Variants in LRGUK observed in about 807,000 individuals in gnomAD.
The protein encoded by LRGUK is leucine rich repeats and guanylate kinase domain containing.
LRGUK carries 65 observed loss-of-function variants against 76.0 expected under a neutral mutation model. The ratio of observed to expected loss-of-function variants is 0.85; its 90% CI spans 0.70 to 1.05. The LOEUF is 1.05. Ranked by LOEUF, LRGUK falls within the 50% of genes least tolerant of loss-of-function variation. The pLI is 0.00. For missense variants in LRGUK, 758 were observed against 732.8 expected (o/e 1.03, Z -0.40); for synonymous variants, 268 against 265.6 (o/e 1.01, Z -0.09).
intron 5 of LRGUK, among the ~76,000 whole-genome samples, chr7:134,149,108 T>A (rs997928): frequency 0.62 from 92,037 of 148,820 alleles, 28,899 homozygotes; most frequent in African/African-American, 0.69. Flanking sequence ...TTTCTTTTTT[T>A]AAAAAAAAAA....
chr7:134,242,890 TG>T (rs1192124947), intron 16 of LRGUK, among the ~76,000 whole-genome samples: 4 of 152,222 alleles, frequency 2.6e-5, no homozygotes, highest in Non-Finnish European at 5.9e-5. Context: ...GATGAAAGGC[TG>T]GTTCAACATA....
chr7:134,154,224 G>A (rs1033400418), intron 5 of LRGUK, among the ~76,000 whole-genome samples: 5 of 152,160 alleles, frequency 3.3e-5, no homozygotes, highest in South Asian at 4.1e-4. Flanking sequence ...TAAAATATAC[G>A]TAAGAGGATT....
At chr7:134,194,352 T>C (rs1234806749) in intron 12 of LRGUK, among the ~76,000 whole-genome samples, 1 of 152,174 alleles carries the variant, frequency 6.6e-6, no homozygotes, top group Non-Finnish European at 1.5e-5. Flanking sequence ...TTACAGTATA[T>C]ATCTGAAAAG....
Position 134,148,328 on chromosome 7 carries a change from T to C in LRGUK, c.670+9T>C, listed in dbSNP as rs964965776. ...TAAACTAATTTTGGATGGTATCCTT[T>C]GAATAAGTAAAGGGGAAAATTTTAA... is the stretch of plus-strand genomic sequence containing the variant. On this transcript the variant is annotated intron_variant, in intron 5 of 15. Coordinates refer to ENST00000645682, the Ensembl canonical transcript of LRGUK. 2.6e-6 allele frequency: 4 copies of C among 1,509,560 alleles called. No individual in the cohort carries two copies. The highest frequency in any genetic ancestry group is 3.9e-5 in the Admixed American group (2 of 50,950). The allele number at this position is 1,509,560 out of a possible 1,614,324, so 93.5% of individuals were successfully genotyped here.
chr7:134,249,010 T>C, exon 18 of LRGUK: 1 of 1,604,366 alleles, frequency 6.2e-7, no homozygotes, highest in South Asian at 1.1e-5. Flanking sequence ...TTAGAAGAAC[T>C]CTGGAAAAGT....
chr7:134,229,097 C>T (rs1198949700), intron 16 of LRGUK, among the ~76,000 whole-genome samples: 2 of 151,948 alleles, frequency 1.3e-5, no homozygotes, highest in Non-Finnish European at 2.9e-5. Flanking sequence ...ATTTTCAGGC[C>T]AAGTGTGGTG....
At chr7:134,190,689 A>G (rs1015099487) in intron 11 of LRGUK, among the ~76,000 whole-genome samples, 1 of 152,208 alleles carries the variant, frequency 6.6e-6, no homozygotes, top group African/African-American at 2.4e-5. Context: ...GTCATCTATA[A>G]AATGGAGTTC....
At chr7:134,248,558 A>G (rs1802367982) in intron 17 of LRGUK, among the ~76,000 whole-genome samples, 1 of 152,198 alleles carries the variant, frequency 6.6e-6, no homozygotes, top group Non-Finnish European at 1.5e-5. Context: ...TTTTAGAAAT[A>G]TTTTACTTGG....
chr7:134,217,411 A>G (rs1445971911), intron 15 of LRGUK, among the ~76,000 whole-genome samples: 1 of 152,190 alleles, frequency 6.6e-6, no homozygotes, highest in Non-Finnish European at 1.5e-5. Flanking sequence ...ACTCAAGAAT[A>G]TAGCACTTCA....
At position 134,163,543 on chromosome 7, in the gene LRGUK, A is replaced by T; in HGVS notation, c.939+3A>T. 6.2e-7 allele frequency: 1 copy of T among 1,605,752 alleles called. No homozygotes were observed. Among genetic ancestry groups the T allele is most frequent in the South Asian group, 1.1e-5 (1 of 89,844 alleles). On this transcript the variant is annotated splice_donor_region_variant and intron_variant, in intron 7 of 15. Coordinates refer to ENST00000645682, the Ensembl canonical transcript of LRGUK. ...TGATCAACCTGGAGGATAATAAGGT[A>T]GTGTTGCACTTCACATGTCTTGGTT... is the stretch of plus-strand genomic sequence containing the variant.
chr7:134,268,360 G>C (rs543128708), downstream of LRGUK, among the ~76,000 whole-genome samples: 1 of 152,016 alleles, frequency 6.6e-6, no homozygotes, highest in African/African-American at 2.4e-5. Flanking sequence ...TATGTAATTT[G>C]GCAATTTAGA....
At chr7:134,256,894 A>G (rs1377595505) in intron 18 of LRGUK, among the ~76,000 whole-genome samples, 2 of 152,162 alleles carry the variant, frequency 1.3e-5, no homozygotes, top group Non-Finnish European at 2.9e-5. Flanking sequence ...TCACTGCTAT[A>G]TCTCCTGAAC....
intron 11 of LRGUK, among the ~76,000 whole-genome samples, chr7:134,187,731 G>A (rs539561182): frequency 4.1e-4 from 63 of 152,198 alleles, no homozygotes; most frequent in African/African-American, 1.5e-3. Flanking sequence ...TGACTTCCTG[G>A]AAAAGTGCCA....
rs561142898 is a variant in LRGUK at position 134,152,554 on chromosome 7, T to G, written c.670+4235T>G. ...ACATGAGATATTGTATTACATCCATTCAATTGACAAAATTTAAGAAATCTA... is the reference window on the plus strand; with the variant it reads ...ACATGAGATATTGTATTACATCCATGCAATTGACAAAATTTAAGAAATCTA... On this transcript the variant is annotated intron_variant, in intron 5 of 15. Coordinates refer to ENST00000645682, the Ensembl canonical transcript of LRGUK. Among the ~76,000 whole-genome samples the G allele has an allele frequency of 6.6e-4, 100 of 152,214 alleles. 1 individual carries two copies. In the South Asian group the frequency reaches 0.018, roughly 28 times the overall value.
intron 16 of LRGUK, among the ~76,000 whole-genome samples, chr7:134,239,127 A>C (rs1238499715): frequency 3.9e-5 from 6 of 152,218 alleles, no homozygotes; most frequent in Admixed American, 2.0e-4. Context: ...GAACAGCTCC[A>C]GTCTGCAGCT....
At chr7:134,138,361 G>A (rs1337261041) in intron 2 of LRGUK, among the ~76,000 whole-genome samples, 1 of 152,026 alleles carries the variant, frequency 6.6e-6, no homozygotes, top group Admixed American at 6.6e-5. Flanking sequence ...TTAATAACCT[G>A]TCTTACTGAA....
At chr7:134,225,662 G>A (rs1369186294) in intron 16 of LRGUK, among the ~76,000 whole-genome samples, 2 of 152,090 alleles carry the variant, frequency 1.3e-5, no homozygotes, top group Non-Finnish European at 2.9e-5. Context: ...TCATATATGT[G>A]GGTGAATTCA....
downstream of LRGUK, among the ~76,000 whole-genome samples, chr7:134,210,543 C>T (rs1801214743): frequency 6.6e-6 from 1 of 152,184 alleles, no homozygotes; most frequent in Admixed American, 6.5e-5. Flanking sequence ...GATCAGCCAG[C>T]TCAGGAGGGC....
At chr7:134,243,746 C>G (rs1802222620) in intron 16 of LRGUK, among the ~76,000 whole-genome samples, 1 of 152,206 alleles carries the variant, frequency 6.6e-6, no homozygotes, top group Admixed American at 6.5e-5. Context: ...ATTGCCAAGA[C>G]AATCCTAAGC....
Sources: gnomAD v4.1 joint callset for allele counts (sites outside exome capture counted in the v4.1 genomes callset) on GRCh38, gnomAD v4.1.1 for gene constraint, MANE v1.5 for transcripts, NCBI Gene and HGNC (gene_info 2026-07-23, HGNC 2026-07-21) for gene names.